SAMD3: variants seen among roughly 807,000 people sequenced by gnomAD.
SAMD3 encodes sterile alpha motif domain containing 3.
A neutral mutation model predicts 58.5 loss-of-function variants in SAMD3; 63 were observed. The observed-to-expected ratio is 1.08, with a 90% CI of 0.88 to 1.33. The LOEUF (loss-of-function observed/expected upper bound fraction) is 1.33, where lower values mean the gene tolerates loss of function less well. Ranked by LOEUF, SAMD3 falls within the 40% of genes most tolerant of loss-of-function variation. The pLI is 0.00. For missense variants in SAMD3, 604 were observed against 608.4 expected (o/e 0.99, Z 0.08); for synonymous variants, 220 against 210.3 (o/e 1.05, Z -0.40).
At chr6:130,184,819 C>T (rs776953022) in intron 5 of SAMD3, among the ~76,000 whole-genome samples, 196 bp from the exon 6 acceptor site, 2 of 152,146 alleles carry the variant, frequency 1.3e-5, no homozygotes, top group African/African-American at 2.4e-5. Flanking sequence ...TCCATTCACA[C>T]AACACATAAA....
At chr6:130,365,354 C>G (rs944105455) in exon 1 of SAMD3, 257 of 985,534 alleles carry the variant, frequency 2.6e-4, no homozygotes, top group Non-Finnish European at 3.0e-4. Flanking sequence ...CTCGCCCCCC[C>G]AAGCCGTTCT....
At chr6:130,238,898 A>G in intron 2 of SAMD3, among the ~76,000 whole-genome samples, 1 of 152,114 alleles carries the variant, frequency 6.6e-6, no homozygotes, top group South Asian at 2.1e-4. Context: ...AGCTGGGATT[A>G]CAGGTGCCCA....
chr6:130,163,696 G>C (rs1322311706), intron 8 of SAMD3, among the ~76,000 whole-genome samples: 2 of 152,134 alleles, frequency 1.3e-5, no homozygotes, highest in Non-Finnish European at 2.9e-5. Flanking sequence ...TGTGGAAAAG[G>C]CTATAAAATA....
intron 9 of SAMD3, among the ~76,000 whole-genome samples, chr6:130,152,106 C>T (rs550512305): frequency 1.3e-5 from 2 of 152,188 alleles, no homozygotes; most frequent in East Asian, 1.9e-4. Context: ...CCAGGACCAC[C>T]GCCCACCCCG....
intron 2 of SAMD3, among the ~76,000 whole-genome samples, chr6:130,297,509 A>G (rs1350217717): frequency 6.6e-6 from 1 of 152,228 alleles, no homozygotes; most frequent in African/African-American, 2.4e-5. Context: ...GAAGGATTGC[A>G]TTCTCTTTCT....
intron 7 of SAMD3, among the ~76,000 whole-genome samples, chr6:130,180,497 A>AAAAC (rs1317900290): frequency 1.6e-4 from 25 of 152,068 alleles, no homozygotes; most frequent in African/African-American, 4.1e-4. Context: ...ATGCTCAACC[A>AAAAC]AAACAAACAA....
intron 8 of SAMD3, among the ~76,000 whole-genome samples, chr6:130,162,461 A>C (rs556378051): frequency 1.3e-4 from 20 of 152,276 alleles, no homozygotes; most frequent in African/African-American, 4.3e-4. Flanking sequence ...CAATCTGAAA[A>C]AGTTTACAAA....
chr6:130,347,420 T>A (rs1428111327), intron 1 of SAMD3, among the ~76,000 whole-genome samples: 1 of 152,124 alleles, frequency 6.6e-6, no homozygotes, highest in Non-Finnish European at 1.5e-5. Flanking sequence ...ACGAGAACTA[T>A]GTGATGAATG....
At chr6:130,146,297 C>G (rs750763986) in intron 9 of SAMD3, 116 bp from the exon 10 acceptor site, 51 of 521,216 alleles carry the variant, frequency 9.8e-5, no homozygotes, top group Non-Finnish European at 1.5e-4. Context: ...ACTAAGTACT[C>G]AATATTTTAG....
At chr6:130,231,027 T>C (rs978174905) in intron 2 of SAMD3, among the ~76,000 whole-genome samples, 1 of 152,146 alleles carries the variant, frequency 6.6e-6, no homozygotes, top group Non-Finnish European at 1.5e-5. Context: ...AAAATAAAGA[T>C]TTCAAAGACC....
chr6:130,358,923 T>A (rs769406196), intron 1 of SAMD3, among the ~76,000 whole-genome samples: 24 of 152,226 alleles, frequency 1.6e-4, no homozygotes, highest in Non-Finnish European at 3.4e-4. Flanking sequence ...AGTCTTTTAT[T>A]GATGGGCACA....
Position 130,274,259 on chromosome 6 carries a change from T to C in SAMD3, c.-188+38719A>G, listed in dbSNP as rs550382966. Reference sequence around the variant, plus strand: ...GATAAGAAATCCACTGATAGTCTTATGGAGACTCCCTTGTGCAGAGCAGTT... The same window carrying C: ...GATAAGAAATCCACTGATAGTCTTACGGAGACTCCCTTGTGCAGAGCAGTT... On this transcript the variant is annotated intron_variant, in intron 2 of 13. Coordinates refer to the SAMD3 transcript ENST00000368134. Among the ~76,000 whole-genome samples, 4 of 152,312 alleles carry C rather than the reference T, an allele frequency of 2.6e-5. No homozygotes were observed. The South Asian group carries it at 8.3e-4, about 32-fold the overall frequency.
At chr6:130,300,015 A>T (rs771994219) in intron 2 of SAMD3, among the ~76,000 whole-genome samples, 1 of 152,202 alleles carries the variant, frequency 6.6e-6, no homozygotes, top group Non-Finnish European at 1.5e-5. Flanking sequence ...TTTAGAGCCA[A>T]ATTCTACCAG....
intron 2 of SAMD3, among the ~76,000 whole-genome samples, chr6:130,240,875 T>C (rs1289137771): frequency 6.6e-6 from 1 of 152,154 alleles, no homozygotes; most frequent in Non-Finnish European, 1.5e-5. Context: ...TTGTTCCTTA[T>C]AAATTACGCA....
At chr6:130,214,657 T>C in intron 3 of SAMD3, 131 bp from the exon 4 acceptor site, 1 of 588,474 alleles carries the variant, frequency 1.7e-6, no homozygotes, top group Non-Finnish European at 2.7e-6. Context: ...AATTTATCCA[T>C]ATTTTTGACA....
chr6:130,264,709 T>G (rs942658480), intron 2 of SAMD3, among the ~76,000 whole-genome samples: 1 of 152,196 alleles, frequency 6.6e-6, no homozygotes, highest in African/African-American at 2.4e-5. Context: ...TTTTAGTGGG[T>G]GACAGTTAAT....
intron 9 of SAMD3, among the ~76,000 whole-genome samples, chr6:130,150,099 A>G (rs2105036): frequency 9.5e-5 from 13 of 136,828 alleles, no homozygotes; most frequent in East Asian, 6.3e-4. Context: ...AATTTGGTTC[A>G]TGTGTGTGTG....
chr6:130,334,774 A>G (rs1326898976), intron 1 of SAMD3, among the ~76,000 whole-genome samples: 1 of 152,232 alleles, frequency 6.6e-6, no homozygotes, highest in Non-Finnish European at 1.5e-5. Flanking sequence ...TGTGTGGCAG[A>G]TCCAGAATGA....
At chr6:130,365,637 C>G, upstream of SAMD3, 1 of 985,454 alleles carries the variant, frequency 1.0e-6, no homozygotes, top group Non-Finnish European at 1.2e-6. Context: ...CCGGTGGTCC[C>G]GCGGTAGCTA....
Sources: allele counts gnomAD v4.1 joint callset (sites outside exome capture counted in the v4.1 genomes callset), GRCh38; gene constraint gnomAD v4.1.1; transcripts MANE v1.5; gene names NCBI Gene and HGNC (gene_info 2026-07-23, HGNC 2026-07-21).